Variants in GRIN2A observed in about 807,000 individuals in gnomAD.
GRIN2A encodes glutamate ionotropic receptor NMDA type subunit 2A.
Under a neutral mutation model 113.4 loss-of-function variants are expected in GRIN2A, and 22 were observed. The ratio of observed to expected loss-of-function variants is 0.19; its 90% CI spans 0.14 to 0.28. The LOEUF is 0.28. GRIN2A is among the 10% of genes least tolerant of loss of function. The pLI is 1.00. For synonymous variants in GRIN2A, 827 were observed against 738.4 expected, an observed-to-expected ratio of 1.12 and a Z score of -1.94; for missense variants, 1,502 against 1,887.0, an observed-to-expected ratio of 0.80 and a Z score of 3.78.
intron 10 of GRIN2A, among the ~76,000 whole-genome samples, chr16:9,800,734 C>T (rs1005339002): frequency 5.9e-5 from 9 of 151,974 alleles, no homozygotes; most frequent in African/African-American, 2.2e-4. Context: ...TAAAGGGAAT[C>T]AGATCAAGCA....
rs1468693964 is a variant in GRIN2A at position 9,878,130 on chromosome 16, C to T, written c.1122+12856G>A. Among the ~76,000 whole-genome samples the T allele has an allele frequency of 5.3e-5, 8 of 152,184 alleles. No homozygotes were observed. The South Asian group carries it at 1.0e-3, about 20-fold the overall frequency. On this transcript the variant is annotated intron_variant, in intron 4 of 12. Coordinates refer to ENST00000330684, the MANE Select transcript of GRIN2A (RefSeq NM_001134407.3). ...GTGCAGCTTTTGTCTTACATTTATA[C>T]CACCTGTCAGCTTAATCATGCTCCC...
At chr16:10,011,140 G>C (rs1241460953) in intron 2 of GRIN2A, among the ~76,000 whole-genome samples, 1 of 152,152 alleles carries the variant, frequency 6.6e-6, no homozygotes, top group Non-Finnish European at 1.5e-5. Flanking sequence ...GAATCAGTTT[G>C]AAATTACACG....
At chr16:9,777,637 C>T (rs549684217) in intron 11 of GRIN2A, among the ~76,000 whole-genome samples, 1 of 152,332 alleles carries the variant, frequency 6.6e-6, no homozygotes, top group South Asian at 2.1e-4. Context: ...GATTTCTGCT[C>T]CATGGATGAA....
intron 2 of GRIN2A, among the ~76,000 whole-genome samples, chr16:10,104,824 G>A (rs918071377): frequency 9.2e-5 from 14 of 152,164 alleles, no homozygotes; most frequent in African/African-American, 3.1e-4. Context: ...AGGGTATGAG[G>A]AGAAACAGGA....
At chr16:9,925,374 G>A (rs937764770) in intron 3 of GRIN2A, among the ~76,000 whole-genome samples, 3 of 152,146 alleles carry the variant, frequency 2.0e-5, no homozygotes, top group African/African-American at 7.2e-5. Flanking sequence ...TCTTTGGGAG[G>A]CTTCTTTCTT....
intron 2 of GRIN2A, among the ~76,000 whole-genome samples, chr16:10,157,589 C>G (rs1379771106): frequency 6.6e-6 from 1 of 152,166 alleles, no homozygotes; most frequent in Non-Finnish European, 1.5e-5. Context: ...ATACCTTCTT[C>G]ACGGGGAGAC....
chr16:9,764,795 A>C lies in GRIN2A; in HGVS notation c.2749T>G (p.Ser917Ala), dbSNP rs1060503232. Residue 917 changes from serine to alanine, a missense_variant, in exon 13 of 13, where the codon TCA becomes GCA. By Grantham distance (99) the Ser-to-Ala change is moderately conservative. Coordinates refer to ENST00000330684, the MANE Select transcript of GRIN2A (RefSeq NM_001134407.3). ...MSNMNSSRMD[S>A]PKRAADFIQR... ...ATGAAGTCAGCAGCTCTTTTGGGTG[A>C]GTCCATTCTTGAGGAGTTCATGTTG... 1.9e-6 allele frequency: 3 copies of C among 1,614,226 alleles called. No individual in the cohort carries two copies. Among genetic ancestry groups the C allele is most frequent in the Non-Finnish European group, 2.5e-6 (3 of 1,180,024 alleles).
intron 2 of GRIN2A, among the ~76,000 whole-genome samples, chr16:10,090,230 A>T (rs1228316583): frequency 1.3e-5 from 2 of 152,190 alleles, no homozygotes; most frequent in Non-Finnish European, 2.9e-5. Context: ...AAATAGACCC[A>T]GGCAAAATAA....
chr16:10,005,025 A>C (rs1012208053), intron 2 of GRIN2A, among the ~76,000 whole-genome samples: 1 of 152,180 alleles, frequency 6.6e-6, no homozygotes, highest in Non-Finnish European at 1.5e-5. Context: ...CAAAAGTAAA[A>C]CGAAAATTTA....
chr16:10,147,455 CAAA>C (rs367830700), intron 2 of GRIN2A, among the ~76,000 whole-genome samples: 22 of 72,944 alleles, frequency 3.0e-4, no homozygotes, highest in African/African-American at 3.8e-4. Context: ...ACTAAAAATA[CAAA>C]AAAAAAAAAA....
chr16:10,123,512 A>T (rs1020819868), intron 2 of GRIN2A, among the ~76,000 whole-genome samples: 2 of 152,128 alleles, frequency 1.3e-5, no homozygotes, highest in Non-Finnish European at 2.9e-5. Flanking sequence ...TGATGCTCTA[A>T]ATCTCCAGCT....
intron 2 of GRIN2A, among the ~76,000 whole-genome samples, chr16:10,094,202 T>C (rs1173789680): frequency 2.0e-5 from 3 of 151,974 alleles, no homozygotes; most frequent in African/African-American, 7.2e-5. Flanking sequence ...TGTAATGGAG[T>C]GAATCAACAA....
At chr16:9,898,675 A>T (rs912449593) in intron 3 of GRIN2A, among the ~76,000 whole-genome samples, 2 of 151,956 alleles carry the variant, frequency 1.3e-5, no homozygotes, top group Admixed American at 1.3e-4. Flanking sequence ...GCCTCCTTGA[A>T]CTGCTTGGGT....
intron 7 of GRIN2A, among the ~76,000 whole-genome samples, chr16:9,835,900 G>C (rs2042576705): frequency 6.6e-6 from 1 of 152,128 alleles, no homozygotes; most frequent in Admixed American, 6.6e-5. Flanking sequence ...TAATGCATTT[G>C]ATAGTGCAAA....
At chr16:9,852,505 TG>T (rs1276041677) in intron 4 of GRIN2A, among the ~76,000 whole-genome samples, 2 of 152,068 alleles carry the variant, frequency 1.3e-5, no homozygotes, top group Non-Finnish European at 2.9e-5. Flanking sequence ...GCCCCCAGAG[TG>T]CAATAACTTC....
intron 8 of GRIN2A, among the ~76,000 whole-genome samples, chr16:9,830,447 T>C (rs1262701920): frequency 7.3e-6 from 1 of 137,674 alleles, no homozygotes; most frequent in Admixed American, 7.6e-5. Context: ...AAAACACACA[T>C]ATTAGGGTTT....
At chr16:9,906,199 A>T (rs78289097) in intron 3 of GRIN2A, among the ~76,000 whole-genome samples, 1,886 of 152,262 alleles carry the variant, frequency 0.012, 41 homozygotes, top group African/African-American at 0.042. Context: ...CACCCTTCTC[A>T]AAACCCTGAA....
chr16:10,087,980 A>G (rs569770817), intron 2 of GRIN2A, among the ~76,000 whole-genome samples: 2 of 150,434 alleles, frequency 1.3e-5, no homozygotes, highest in Non-Finnish European at 2.9e-5. Context: ...GTGAGCCACC[A>G]CGCCTGGCCT....
chr16:9,779,800 C>G (rs552709745), intron 11 of GRIN2A, among the ~76,000 whole-genome samples: 1 of 152,256 alleles, frequency 6.6e-6, no homozygotes, highest in Non-Finnish European at 1.5e-5. Flanking sequence ...CTCCCTTTTC[C>G]CAAGTCTAAG....
Sources: allele counts gnomAD v4.1 joint callset (sites outside exome capture counted in the v4.1 genomes callset), GRCh38; gene constraint gnomAD v4.1.1; transcripts MANE v1.5; gene names NCBI Gene and HGNC (gene_info 2026-07-23, HGNC 2026-07-21).